The following PTPN1 variants were observed in gnomAD, a reference collection of about 807,000 sequenced individuals.
The protein encoded by PTPN1 is tyrosine-protein phosphatase non-receptor type 1.
Under a neutral mutation model 59.9 loss-of-function variants are expected in PTPN1, and 12 were observed. The ratio of observed to expected loss-of-function variants is 0.20; its 90% CI spans 0.13 to 0.32. PTPN1 has a LOEUF of 0.32. PTPN1 is among the 10% of genes least tolerant of loss of function. PTPN1 has a pLI of 1.00. For missense variants in PTPN1, 356 were observed against 549.2 expected (o/e 0.65, Z 3.52); for synonymous variants, 178 against 203.6 (o/e 0.87, Z 1.07).
intron 1 of PTPN1, among the ~76,000 whole-genome samples, chr20:50,525,942 G>A (rs1383569992): frequency 1.3e-5 from 2 of 152,064 alleles, no homozygotes; most frequent in African/African-American, 4.8e-5. Context: ...TTTGAAGAAG[G>A]GGATGAGTAA....
intron 1 of PTPN1, among the ~76,000 whole-genome samples, chr20:50,524,543 TTGGC>T (rs965127559): frequency 6.6e-5 from 10 of 150,742 alleles, no homozygotes; most frequent in Admixed American, 5.9e-4. Context: ...TTCAATGATG[TTGGC>T]TGGTTTATCC....
rs1440032444 is a variant in PTPN1 at position 50,582,675 on chromosome 20, G to A, written c.1285-17G>A. On this transcript the variant is annotated splice_polypyrimidine_tract_variant and intron_variant, in intron 9 of 9. Coordinates refer to ENST00000371621, the MANE Select transcript of PTPN1 (RefSeq NM_002827.4). This position sits in a 1 kb window ranked among gnomAD's most constrained non-coding sequence, Gnocchi z 4.2. Reference sequence around the variant, plus strand: ...GTGCGGGTCTGGGCTCATCTGAACTGTTTGGTTTCATTCCAGTTCCTGTTC... The same window carrying A: ...GTGCGGGTCTGGGCTCATCTGAACTATTTGGTTTCATTCCAGTTCCTGTTC... The A allele has an allele frequency of 1.2e-6, 2 of 1,613,400 alleles. No homozygotes were observed. The highest frequency in any genetic ancestry group is 1.7e-5 in the Admixed American group (1 of 59,932).
intron 1 of PTPN1, among the ~76,000 whole-genome samples, chr20:50,529,119 T>C (rs912120733): frequency 2.0e-5 from 3 of 152,206 alleles, no homozygotes; most frequent in African/African-American, 7.2e-5. Context: ...AAGCAGTCCA[T>C]GTCTTCATCA....
intron 1 of PTPN1, among the ~76,000 whole-genome samples, chr20:50,520,660 G>A (rs926755329): frequency 2.6e-5 from 4 of 152,184 alleles, no homozygotes; most frequent in African/African-American, 9.7e-5. Context: ...GTACTGGTTA[G>A]TTTCACACAG....
At chr20:50,537,599 TC>T (rs1192080427) in intron 1 of PTPN1, among the ~76,000 whole-genome samples, 1 of 152,186 alleles carries the variant, frequency 6.6e-6, no homozygotes, top group Non-Finnish European at 1.5e-5. Context: ...TGTTCTGCCC[TC>T]AAAAAGCATT....
chr20:50,562,526 T>C (rs927703530), intron 2 of PTPN1, among the ~76,000 whole-genome samples: 1 of 152,176 alleles, frequency 6.6e-6, no homozygotes, highest in Non-Finnish European at 1.5e-5. Flanking sequence ...CATAGGAGTG[T>C]GTGAAGATGA....
Position 50,580,056 on chromosome 20 carries a change from A to G in PTPN1, c.1088+130A>G. The stretch of plus-strand genomic sequence containing the variant: ...AGCAGCGCTTCCGCATCCTTGGGGA[A>G]CAGGGCGCGTGGACCACAGCCACTC... On this transcript the variant is annotated intron_variant, in intron 8 of 9. Coordinates refer to ENST00000371621, the MANE Select transcript of PTPN1 (RefSeq NM_002827.4). The G allele has an allele frequency of 4.7e-6, 4 of 852,198 alleles. No individual in the cohort carries two copies. In the Admixed American group the frequency reaches 7.1e-5, roughly 15 times the overall value. The allele number at this position is 852,198 out of a possible 1,614,324, so 52.8% of individuals were successfully genotyped here. A position where few individuals can be genotyped will look rare whatever the true frequency, so the allele number is the denominator to read the frequency against.
intron 1 of PTPN1, among the ~76,000 whole-genome samples, chr20:50,545,417 C>CA (rs1168464056): frequency 4.6e-5 from 7 of 152,204 alleles, no homozygotes; most frequent in African/African-American, 1.7e-4. Flanking sequence ...AAATAGTAAG[C>CA]ACTCACTGAA....
chr20:50,550,174 T>C (rs1570179), intron 1 of PTPN1, among the ~76,000 whole-genome samples: 95,519 of 151,974 alleles, frequency 0.63, 29,969 homozygotes, highest in Middle Eastern at 0.78. Flanking sequence ...CTTTACTATA[T>C]TTCTGCATTT....
intron 1 of PTPN1, among the ~76,000 whole-genome samples, chr20:50,548,011 T>C (rs192954458): frequency 6.6e-6 from 1 of 152,336 alleles, no homozygotes; most frequent in African/African-American, 2.4e-5. Flanking sequence ...CCAAACAATA[T>C]TGTAATTTAC....
At chr20:50,535,095 G>T (rs2082618670) in intron 1 of PTPN1, among the ~76,000 whole-genome samples, 1 of 152,094 alleles carries the variant, frequency 6.6e-6, no homozygotes, top group African/African-American at 2.4e-5. Flanking sequence ...CTTAGTTCAG[G>T]CCCTTCTCAT....
In PTPN1 at chr20:50,582,704, A is replaced by T; in HGVS notation, c.1297A>T (p.Ser433Cys). ...AYLCYRFLFN[S>C]NT is the part of the protein sequence containing the mutation. ...GGTTTCATTCCAGTTCCTGTTCAAC[A>T]GCAACACATAGCCTGACCCTCCTCC... The change falls in exon 10 of 10, where the codon AGC (serine) becomes TGC (cysteine). Residue 433 changes from serine to cysteine, a missense_variant. Around this residue, in one of 3 missense-constraint regions of PTPN1, gnomAD observed 62 missense variants for 97.2 expected, o/e 0.64. Transcript: ENST00000371621. The surrounding 1 kb of genome is among the most constrained non-coding windows in gnomAD (Gnocchi z 4.2). 6.2e-7 allele frequency: 1 copy of T among 1,613,854 alleles called. No individual in the cohort carries two copies. Among genetic ancestry groups the T allele is most frequent in the Non-Finnish European group, 8.5e-7 (1 of 1,179,916 alleles).
intron 1 of PTPN1, among the ~76,000 whole-genome samples, chr20:50,527,868 G>C (rs2082584233): frequency 6.6e-6 from 1 of 151,886 alleles, no homozygotes; most frequent in South Asian, 2.1e-4. Flanking sequence ...TTCTCTGTTT[G>C]TTCCTCAACT....
intron 5 of PTPN1, among the ~76,000 whole-genome samples, chr20:50,576,914 C>T (rs939213521): frequency 3.9e-5 from 6 of 151,946 alleles, no homozygotes; most frequent in Non-Finnish European, 7.4e-5. Flanking sequence ...CATTTTAAGT[C>T]CTTTTCTTCC....
intron 2 of PTPN1, chr20:50,563,087 A>C (rs1601408209): frequency 7.6e-6 from 1 of 130,910 alleles, no homozygotes; most frequent in African/African-American, 2.9e-5. Context: ...CTCCATCCCC[A>C]CTGCTTTACT....
intron 1 of PTPN1, among the ~76,000 whole-genome samples, chr20:50,529,471 C>T (rs2082591294): frequency 6.6e-6 from 1 of 152,164 alleles, no homozygotes; most frequent in African/African-American, 2.4e-5. Context: ...ATCATTTTTC[C>T]TAAGTAATTT....
intron 1 of PTPN1, among the ~76,000 whole-genome samples, chr20:50,545,571 G>A (rs6512652): frequency 0.068 from 10,375 of 152,208 alleles, 371 homozygotes; most frequent in South Asian, 0.11. Flanking sequence ...TGCTCATAAT[G>A]TATGATGCAC....
intron 3 of PTPN1, 60 bp downstream of exon 3, chr20:50,565,129 A>G: frequency 1.3e-6 from 2 of 1,509,744 alleles, no homozygotes; most frequent in Non-Finnish European, 9.0e-7. Flanking sequence ...GAGTGCTGTT[A>G]TCCACACCTC....
At chr20:50,552,501 G>A (rs1400130748) in intron 1 of PTPN1, among the ~76,000 whole-genome samples, 2 of 152,038 alleles carry the variant, frequency 1.3e-5, no homozygotes, top group African/African-American at 2.4e-5. Context: ...CCATCTGCGC[G>A]TAGCAGCCAG....
Sources: gnomAD v4.1 joint callset for allele counts (sites outside exome capture counted in the v4.1 genomes callset) on GRCh38, gnomAD v4.1.1 for gene constraint, gnomAD v4.1.1 regional missense constraint, Gnocchi (gnomAD v3.1) non-coding constraint, MANE v1.5 for transcripts, NCBI Gene and HGNC (gene_info 2026-07-23, HGNC 2026-07-21) for gene names.